The following ZNRF2 variants were observed in gnomAD, a reference collection of about 807,000 sequenced individuals.
The protein encoded by ZNRF2 is zinc and ring finger 2.
ZNRF2 carries 16 observed loss-of-function variants against 20.4 expected under a neutral mutation model. The ratio of observed to expected loss-of-function variants is 0.79; its 90% confidence interval spans 0.53 to 1.19. ZNRF2 has a LOEUF of 1.19. Ranked by LOEUF, ZNRF2 falls within the 50% of genes most tolerant of loss-of-function variation. The probability of loss-of-function intolerance (pLI) is 0.00; values close to 1 mark genes in which losing one functional copy is unlikely to be tolerated. For synonymous variants in ZNRF2, 178 were observed against 144.9 expected, an observed-to-expected ratio of 1.23 and a Z score of -1.64; for missense variants, 363 against 332.4, an observed-to-expected ratio of 1.09 and a Z score of -0.72.
chr7:30,355,925 A>AC, intron 3 of ZNRF2, 92 bp downstream of exon 3: 2 of 826,174 alleles, frequency 2.4e-6, no homozygotes, highest in Middle Eastern at 2.3e-4. Context: ...CGTTGAAACC[A>AC]CCCCCTCCCT....
At chr7:30,365,966 T>C (rs1301951072) in intron 4 of ZNRF2, 69 bp from the exon 5 acceptor site, 1 of 152,166 alleles carries the variant, frequency 6.6e-6, no homozygotes, top group Admixed American at 6.6e-5. Flanking sequence ...GTTTTCAGAA[T>C]AGTAAGTAAG....
In ZNRF2 at chr7:30,284,988, G is replaced by A; in HGVS notation, c.-370G>A. 2 of 345,292 alleles carry A rather than the reference G, an allele frequency of 5.8e-6. No homozygotes were observed. The highest frequency in any genetic ancestry group is 5.8e-6 in the Non-Finnish European group (1 of 173,392). 21.4% of individuals were successfully genotyped at this position (345,292 alleles called of 1,614,324 possible). On this transcript the variant is annotated 5_prime_UTR_variant, in exon 1 of 5. Coordinates refer to ENST00000323037, the MANE Select transcript of ZNRF2 (RefSeq NM_147128.4). ...AGGCGGTGCCGAGATCGGGGGCGCCGAGCGCGGCAGCAGAGAGCGGTAGCG... is the reference window on the plus strand; with the variant it reads ...AGGCGGTGCCGAGATCGGGGGCGCCAAGCGCGGCAGCAGAGAGCGGTAGCG...
rs923706126 is a variant in ZNRF2, at chr7:30,341,296, C to G, written c.566-14432C>G. Among the ~76,000 whole-genome samples, 3 of 151,918 alleles carry G rather than the reference C, an allele frequency of 2.0e-5. No homozygotes were observed. The East Asian group carries it at 5.8e-4, about 29-fold the overall frequency. ...CTGCTAGCTTTTGAATTTGTTTGCT[C>G]TTGTTTCTCTAGTTCTTTTAATTTT... On this transcript the variant is annotated intron_variant, in intron 2 of 4. Coordinates refer to ENST00000323037, the MANE Select transcript of ZNRF2 (RefSeq NM_147128.4).
chr7:30,340,366 A>G (rs1799775788), intron 2 of ZNRF2, among the ~76,000 whole-genome samples: 1 of 152,176 alleles, frequency 6.6e-6, no homozygotes, highest in African/African-American at 2.4e-5. Context: ...CCAATTCATT[A>G]TGATATTAGC....
At chr7:30,322,143 T>C (rs532813555) in intron 1 of ZNRF2, among the ~76,000 whole-genome samples, 67 of 152,276 alleles carry the variant, frequency 4.4e-4, no homozygotes, top group Non-Finnish European at 6.5e-4. Flanking sequence ...TTCTTTCTCT[T>C]TTTGGTGGTT....
chr7:30,300,013 T>C (rs940883024), intron 1 of ZNRF2, among the ~76,000 whole-genome samples: 2 of 152,068 alleles, frequency 1.3e-5, no homozygotes, highest in African/African-American at 2.4e-5. Flanking sequence ...CTTGATCTCC[T>C]GACCTCGTGA....
intron 1 of ZNRF2, among the ~76,000 whole-genome samples, chr7:30,293,895 T>G: frequency 6.6e-6 from 1 of 152,254 alleles, no homozygotes; most frequent in Admixed American, 6.5e-5. Flanking sequence ...TAATTTTTGC[T>G]TGAATTGTGA....
At position 30,366,016 on chromosome 7, in the gene ZNRF2, G is replaced by A. The variant is rs1187045590; in HGVS notation, c.*23-19G>A. On this transcript the variant is annotated intron_variant, in intron 4 of 4. Coordinates refer to ENST00000323037, the MANE Select transcript of ZNRF2 (RefSeq NM_147128.4). ...CAGTAACTAAAGCAATGTTCATGGG[G>A]AAATCTATTTTTACACAGGTTTTCT... 2 of 152,180 alleles carry A rather than the reference G, an allele frequency of 1.3e-5. No homozygotes were observed. The highest frequency in any genetic ancestry group is 1.5e-5 in the Non-Finnish European group (1 of 68,022). The allele number at this position is 152,180 out of a possible 1,614,324, so 9.4% of individuals were successfully genotyped here.
chr7:30,285,154 A>C lies in ZNRF2; in HGVS notation c.-204A>C, dbSNP rs1342653251. ...TCTCCTCGTCTCCCGCGCCCGCGTC[A>C]GGCCGTCGGCCTCGCCCGCCGCCCC... On this transcript the variant is annotated 5_prime_UTR_variant, in exon 1 of 5. Coordinates refer to ENST00000323037, the MANE Select transcript of ZNRF2 (RefSeq NM_147128.4). 2 of 417,880 alleles carry C rather than the reference A, an allele frequency of 4.8e-6. No individual in the cohort carries two copies. Among genetic ancestry groups the C allele is most frequent in the Non-Finnish European group, 9.2e-6 (2 of 217,630 alleles). 25.9% of individuals were successfully genotyped at this position (417,880 alleles called of 1,614,324 possible).
intron 1 of ZNRF2, among the ~76,000 whole-genome samples, chr7:30,294,135 G>C (rs931742496): frequency 6.6e-6 from 1 of 151,842 alleles, no homozygotes; most frequent in Non-Finnish European, 1.5e-5. Context: ...ATTTTTGTTG[G>C]TTTTTAATTT....
intron 1 of ZNRF2, among the ~76,000 whole-genome samples, chr7:30,306,156 A>G (rs1413116098): frequency 1.3e-5 from 2 of 152,194 alleles, no homozygotes; most frequent in African/African-American, 2.4e-5. Context: ...TGCTCTGCAA[A>G]TGTGAGCTAA....
intron 1 of ZNRF2, among the ~76,000 whole-genome samples, chr7:30,296,693 TC>T (rs1369714717): frequency 6.6e-6 from 1 of 152,208 alleles, no homozygotes; most frequent in South Asian, 2.1e-4. Flanking sequence ...TGTCCACTCT[TC>T]CTACCACCTT....
chr7:30,343,911 C>CTTTTTTT (rs34643391), intron 2 of ZNRF2, among the ~76,000 whole-genome samples: 3 of 81,512 alleles, frequency 3.7e-5, no homozygotes, highest in South Asian at 3.8e-4. Context: ...GGGTGGCCAG[C>CTTTTTTT]TTTTTTTTTT....
chr7:30,338,422 A>AT (rs1799748672), intron 2 of ZNRF2, among the ~76,000 whole-genome samples: 1 of 26,714 alleles, frequency 3.7e-5, no homozygotes, highest in African/African-American at 1.6e-4. Flanking sequence ...TCCCTCCCCT[A>AT]GCCCCCCCCC....
rs182387885 is a variant in ZNRF2 at position 30,313,031 on chromosome 7, A to G, written c.470-10611A>G. Among the ~76,000 whole-genome samples the G allele has an allele frequency of 3.3e-5, 5 of 152,324 alleles. No individual in the cohort carries two copies. The East Asian group carries it at 9.6e-4, about 29-fold the overall frequency. On this transcript the variant is annotated intron_variant, in intron 1 of 4. Coordinates refer to ENST00000323037, the MANE Select transcript of ZNRF2 (RefSeq NM_147128.4). Reference sequence around the variant, plus strand: ...CCTTACAGACAGAACCTAAAACGAAACACTTGATAAGTAGAAGCCATGTGA... The same window carrying G: ...CCTTACAGACAGAACCTAAAACGAAGCACTTGATAAGTAGAAGCCATGTGA...
intron 1 of ZNRF2, among the ~76,000 whole-genome samples, chr7:30,299,287 C>T (rs377563516): frequency 5.9e-5 from 9 of 152,006 alleles, no homozygotes; most frequent in African/African-American, 1.2e-4. Context: ...AGCGTAGTGA[C>T]GCATGCCTGT....
intron 2 of ZNRF2, among the ~76,000 whole-genome samples, chr7:30,336,987 C>G (rs1038755366): frequency 4.6e-5 from 7 of 152,050 alleles, no homozygotes; most frequent in African/African-American, 1.7e-4. Context: ...ATTTTGTATC[C>G]TTTATTCTGT....
chr7:30,292,883 G>A (rs1268351600), intron 1 of ZNRF2, among the ~76,000 whole-genome samples: 2 of 152,132 alleles, frequency 1.3e-5, no homozygotes, highest in African/African-American at 2.4e-5. Context: ...TGTGGTTTGC[G>A]GCTTTTGTTT....
In ZNRF2 at chr7:30,318,114, G is replaced by C. The variant is rs181671009; in HGVS notation, c.470-5528G>C. Among the ~76,000 whole-genome samples, 1,086 of 152,244 alleles carry C rather than the reference G, an allele frequency of 7.1e-3. 12 individuals carry two copies. The highest frequency in any genetic ancestry group is 8.8e-3 in the Non-Finnish European group (601 of 68,020). The stretch of plus-strand genomic sequence containing the variant: ...TATAAAGGAATGGTTTTGATTTTGG[G>C]GAAACTTGGAGTGCCGGCTTTGGAT... On this transcript the variant is annotated intron_variant, in intron 1 of 4. Coordinates refer to ENST00000323037, the MANE Select transcript of ZNRF2 (RefSeq NM_147128.4).
Sources: allele counts gnomAD v4.1 joint callset (sites outside exome capture counted in the v4.1 genomes callset), GRCh38; gene constraint gnomAD v4.1.1; transcripts MANE v1.5; gene names NCBI Gene and HGNC (gene_info 2026-07-23, HGNC 2026-07-21).